Variants in FBXL13 observed in about 807,000 individuals in gnomAD.
FBXL13 encodes F-box and leucine rich repeat protein 13, also known as F-box and leucine-rich repeat protein 13.
A neutral mutation model predicts 83.6 loss-of-function variants in FBXL13; 67 were observed. The ratio of observed to expected loss-of-function variants is 0.80; its 90% CI spans 0.66 to 0.98. The LOEUF (loss-of-function observed/expected upper bound fraction) is 0.98. Among genes scored for constraint, FBXL13 ranks in the 50% least tolerant of loss-of-function variants. The probability of loss-of-function intolerance (pLI) is 0.00; values close to 1 mark genes in which losing one functional copy is unlikely to be tolerated. For synonymous variants in FBXL13, 272 were observed against 299.5 expected, an observed-to-expected ratio of 0.91 and a Z score of 0.95; for missense variants, 822 against 866.5, an observed-to-expected ratio of 0.95 and a Z score of 0.64.
intron 5 of FBXL13, among the ~76,000 whole-genome samples, chr7:103,025,753 A>AAT (rs142022866): frequency 0.061 from 9,259 of 152,100 alleles, 503 homozygotes; most frequent in East Asian, 0.28. Context: ...ATATTGATGT[A>AAT]ATATATATAT....
chr7:102,932,120 A>G (rs1244032603), intron 8 of FBXL13, among the ~76,000 whole-genome samples, 187 bp from the exon 10 acceptor site: 1 of 152,230 alleles, frequency 6.6e-6, no homozygotes, highest in Admixed American at 6.5e-5. Flanking sequence ...ATTAAAATAC[A>G]CAGACATGTT....
chr7:103,044,778 T>G (rs542375950), intron 2 of FBXL13, among the ~76,000 whole-genome samples: 1 of 152,330 alleles, frequency 6.6e-6, no homozygotes, highest in East Asian at 1.9e-4. Context: ...GAACCAAGTC[T>G]GTGAAGTTCA....
chr7:102,913,825 T>C (rs1333673484), intron 10 of FBXL13, among the ~76,000 whole-genome samples: 3 of 152,220 alleles, frequency 2.0e-5, no homozygotes, highest in African/African-American at 7.2e-5. Context: ...ATGCAGAGTT[T>C]AAGCATGGAT....
intron 8 of FBXL13, among the ~76,000 whole-genome samples, chr7:102,950,245 A>G (rs1014569737): frequency 5.3e-5 from 8 of 152,250 alleles, no homozygotes; most frequent in African/African-American, 1.9e-4. Flanking sequence ...CATCAGGGAA[A>G]TGTAAATTAA....
intron 1 of FBXL13, among the ~76,000 whole-genome samples, chr7:103,065,139 T>C (rs1020470514): frequency 6.6e-6 from 1 of 152,068 alleles, no homozygotes; most frequent in Non-Finnish European, 1.5e-5. Context: ...ATCAAATCTG[T>C]CATTCCATCC....
intron 18 of FBXL13, among the ~76,000 whole-genome samples, chr7:102,831,431 A>ACACACACCCCCCC (rs1033135095): frequency 7.4e-4 from 109 of 147,214 alleles, no homozygotes; most frequent in African/African-American, 2.6e-3. Flanking sequence ...ACACACACAC[A>ACACACACCCCCCC]CCCCACTACA....
At position 103,062,647 on chromosome 7, in the gene FBXL13, TTAA is replaced by T. The variant is rs1798034157; in HGVS notation, c.-104-6903_-104-6901del. ...TTCTAAAATATATTTTTCCTGAATC[TTAA>T]TGATGAAATGTAAATATCTTCATCT... On this transcript the variant is annotated intron_variant, in intron 1 of 19. Transcript: ENST00000313221. Among the ~76,000 whole-genome samples the T allele has an allele frequency of 2.6e-5, 4 of 152,194 alleles. No homozygotes were observed. In the South Asian group the frequency reaches 8.3e-4, roughly 31 times the overall value.
chr7:103,017,360 C>T (rs1185775179), intron 6 of FBXL13, among the ~76,000 whole-genome samples: 2 of 151,910 alleles, frequency 1.3e-5, no homozygotes, highest in African/African-American at 4.8e-5. Flanking sequence ...GCAGATAAAA[C>T]CACAAAGACG....
chr7:103,071,673 G>A (rs182673532), intron 1 of FBXL13, among the ~76,000 whole-genome samples: 21 of 151,760 alleles, frequency 1.4e-4, no homozygotes, highest in Admixed American at 1.1e-3. Flanking sequence ...GGGATTACAG[G>A]CATGAACCAC....
At chr7:103,059,833 T>G (rs904526079) in intron 1 of FBXL13, among the ~76,000 whole-genome samples, 6 of 151,844 alleles carry the variant, frequency 4.0e-5, no homozygotes, top group Non-Finnish European at 8.8e-5. Flanking sequence ...GGAGTCCACT[T>G]GGTTTAAATC....
intron 6 of FBXL13, among the ~76,000 whole-genome samples, chr7:103,011,571 G>A (rs1448344716): frequency 6.6e-6 from 1 of 151,132 alleles, no homozygotes. Flanking sequence ...CCGGGAGGCA[G>A]AGGTTGCAGT....
chr7:103,019,220 A>G (rs1381047412), intron 6 of FBXL13, among the ~76,000 whole-genome samples: 1 of 152,226 alleles, frequency 6.6e-6, no homozygotes, highest in African/African-American at 2.4e-5. Flanking sequence ...CTTCTGAATG[A>G]CTACTGGGTA....
chr7:102,914,548 A>C (rs1428781853), intron 10 of FBXL13, among the ~76,000 whole-genome samples: 1 of 152,262 alleles, frequency 6.6e-6, no homozygotes, highest in Non-Finnish European at 1.5e-5. Context: ...AGGTGAATAA[A>C]GTTTACCTCC....
intron 8 of FBXL13, chr7:102,934,086 C>G: frequency 1.2e-6 from 2 of 1,614,202 alleles, no homozygotes; most frequent in South Asian, 2.2e-5. Flanking sequence ...GACGTGTACA[C>G]ATATCTCCAT....
chr7:103,033,825 C>A (rs1794781445), intron 2 of FBXL13, among the ~76,000 whole-genome samples: 1 of 152,300 alleles, frequency 6.6e-6, no homozygotes, highest in Admixed American at 6.5e-5. Context: ...CTTTTATTCT[C>A]TTATCTGGCC....
intron 10 of FBXL13, among the ~76,000 whole-genome samples, chr7:102,913,509 T>C (rs893350935): frequency 6.6e-6 from 1 of 152,160 alleles, no homozygotes; most frequent in Non-Finnish European, 1.5e-5. Flanking sequence ...TTTTTTGGTG[T>C]GTGTGAGGTG....
At chr7:103,038,856 A>T (rs1287359906) in intron 2 of FBXL13, among the ~76,000 whole-genome samples, 1 of 152,260 alleles carries the variant, frequency 6.6e-6, no homozygotes, top group Non-Finnish European at 1.5e-5. Context: ...AACCACAAAG[A>T]TGGGGAGAAA....
At chr7:103,072,880 A>G (rs1799111771) in intron 1 of FBXL13, among the ~76,000 whole-genome samples, 2 of 152,118 alleles carry the variant, frequency 1.3e-5, no homozygotes, top group Admixed American at 1.3e-4. Flanking sequence ...TCCCTAACCT[A>G]CTGCCTTTCC....
At chr7:102,889,216 T>C (rs114166900) in intron 11 of FBXL13, among the ~76,000 whole-genome samples, 86 of 152,264 alleles carry the variant, frequency 5.6e-4, no homozygotes, top group African/African-American at 2.0e-3. Context: ...ACAGGTTCTT[T>C]ATCTATTCCT....
Sources: gnomAD v4.1 joint callset for allele counts (sites outside exome capture counted in the v4.1 genomes callset) on GRCh38, gnomAD v4.1.1 for gene constraint, MANE v1.5 for transcripts, NCBI Gene and HGNC (gene_info 2026-07-23, HGNC 2026-07-21) for gene names.